Variants in VPS26A observed in about 807,000 individuals in gnomAD.
The protein encoded by VPS26A is VPS26 retromer complex component A.
In VPS26A, 22 loss-of-function variants were observed where a neutral mutation model predicts 42.4. The observed-to-expected ratio is 0.52, with a 90% confidence interval of 0.37 to 0.74. The LOEUF (loss-of-function observed/expected upper bound fraction) is 0.74. Ranked by LOEUF, VPS26A falls within the 30% of genes least tolerant of loss-of-function variation. The probability of loss-of-function intolerance (pLI) is 0.00; values close to 1 mark genes in which losing one functional copy is unlikely to be tolerated. For missense variants in VPS26A, 276 were observed against 379.2 expected, an observed-to-expected ratio of 0.73 and a Z score of 2.26; for synonymous variants, 110 against 123.5, an observed-to-expected ratio of 0.89 and a Z score of 0.73.
At chr10:69,129,670 C>T (rs1243754421) in intron 1 of VPS26A, among the ~76,000 whole-genome samples, 2 of 151,962 alleles carry the variant, frequency 1.3e-5, no homozygotes, top group Non-Finnish European at 2.9e-5. Context: ...GCCTCAGGTG[C>T]ATACCACTAC....
At chr10:69,168,431 T>G in intron 7 of VPS26A, 58 bp from the exon 8 acceptor site, 1 of 1,561,782 alleles carries the variant, frequency 6.4e-7, no homozygotes, top group African/African-American at 1.4e-5. Flanking sequence ...TAGTCCTACC[T>G]GTTATGTGAC....
rs1171418253 is a variant in VPS26A, at chr10:69,174,157, C to G, written c.*2888C>G. ...CTTCACGATACATCTTGCTGCTGCT[C>G]ACTCTGGGCCTGTGCCACATTTAAG... On this transcript the variant is annotated 3_prime_UTR_variant, in exon 9 of 9. Transcript: ENST00000263559. Among the ~76,000 whole-genome samples, 1 of 152,224 alleles carries G rather than the reference C, an allele frequency of 6.6e-6. No individual in the cohort carries two copies. The highest frequency in any genetic ancestry group is 1.5e-5 in the Non-Finnish European group (1 of 68,048).
Position 69,166,059 on chromosome 10 carries a change from G to GA in VPS26A, c.679dup (p.Thr227AsnfsTer8). On this transcript the variant is annotated frameshift_variant, in exon 7 of 9. Coordinates refer to ENST00000263559, the MANE Select transcript of VPS26A (RefSeq NM_004896.5). LOFTEE classifies it high-confidence loss of function. ...TGCACTAGGACCCAGTACCACAACAGAAACAGAAACAATCGCCAAATATGA... is the reference window on the plus strand; with the variant it reads ...TGCACTAGGACCCAGTACCACAACAGAAAACAGAAACAATCGCCAAATATGA... 6.2e-7 allele frequency: 1 copy of GA among 1,613,932 alleles called. No homozygotes were observed. The highest frequency in any genetic ancestry group is 8.5e-7 in the Non-Finnish European group (1 of 1,179,874).
At chr10:69,139,372 C>T (rs1409110201) in intron 2 of VPS26A, among the ~76,000 whole-genome samples, 4 of 151,990 alleles carry the variant, frequency 2.6e-5, no homozygotes, top group African/African-American at 7.2e-5. Context: ...GGCATAATCT[C>T]GGCTCACTGC....
chr10:69,164,018 C>T (rs966112404), intron 6 of VPS26A, among the ~76,000 whole-genome samples: 2 of 152,086 alleles, frequency 1.3e-5, no homozygotes, highest in African/African-American at 4.8e-5. Flanking sequence ...CCGCCCGCCT[C>T]AGCCTCCCAA....
intron 1 of VPS26A, among the ~76,000 whole-genome samples, chr10:69,130,931 T>C (rs958820789): frequency 2.0e-5 from 3 of 152,224 alleles, no homozygotes; most frequent in Non-Finnish European, 2.9e-5. Flanking sequence ...ATATCCATTC[T>C]CTTGTTGATT....
chr10:69,137,128 C>T (rs1158420367), intron 2 of VPS26A, among the ~76,000 whole-genome samples: 1 of 152,162 alleles, frequency 6.6e-6, no homozygotes, highest in South Asian at 2.1e-4. Flanking sequence ...GGTTCCTTAT[C>T]TTCCAAAGGT....
chr10:69,149,801 C>T (rs1048763988), intron 2 of VPS26A, among the ~76,000 whole-genome samples: 1 of 132,620 alleles, frequency 7.5e-6, no homozygotes, highest in African/African-American at 3.1e-5. Context: ...GGCTGGAGTG[C>T]AGTGGCATGA....
rs201452379 is a variant in VPS26A, at chr10:69,173,934, C to CTGG, written c.*2665_*2666insTGG. Among the ~76,000 whole-genome samples, 250 of 149,478 alleles carry CTGG rather than the reference C, an allele frequency of 1.7e-3. No homozygotes were observed. Among genetic ancestry groups the CTGG allele is most frequent in the African/African-American group, 6.1e-3 (238 of 38,996 alleles). ...GCTTGAACCCGGGAGGCAGAGGTTGCAGTGAGCCGAGATCACACCAATGCA... is the reference window on the plus strand; with the variant it reads ...GCTTGAACCCGGGAGGCAGAGGTTGCTGGAGTGAGCCGAGATCACACCAATGCA... On this transcript the variant is annotated 3_prime_UTR_variant, in exon 9 of 9. Transcript: ENST00000263559.
At chr10:69,154,065 A>G (rs1336961274) in intron 2 of VPS26A, among the ~76,000 whole-genome samples, 1 of 152,196 alleles carries the variant, frequency 6.6e-6, no homozygotes, top group Non-Finnish European at 1.5e-5. Flanking sequence ...ACAGTGAACT[A>G]ATGGTACTTG....
chr10:69,155,696 C>T, intron 2 of VPS26A, 116 bp from the exon 3 acceptor site: 1 of 811,900 alleles, frequency 1.2e-6, no homozygotes. Flanking sequence ...GGTGGTGTCT[C>T]AAACTTCATA....
intron 2 of VPS26A, among the ~76,000 whole-genome samples, chr10:69,145,465 TG>T (rs1841136174): frequency 6.6e-6 from 1 of 152,228 alleles, no homozygotes; most frequent in Non-Finnish European, 1.5e-5. Context: ...GAACCCAGGA[TG>T]TATACTGAAA....
At chr10:69,152,319 C>G (rs977559895) in intron 2 of VPS26A, among the ~76,000 whole-genome samples, 2 of 152,160 alleles carry the variant, frequency 1.3e-5, no homozygotes, top group Non-Finnish European at 2.9e-5. Flanking sequence ...TCTGTAGTTT[C>G]AAAAAATATA....
intron 2 of VPS26A, among the ~76,000 whole-genome samples, chr10:69,153,858 T>C (rs767556785): frequency 5.9e-5 from 9 of 152,166 alleles, no homozygotes; most frequent in Non-Finnish European, 1.0e-4. Context: ...GAGGGTAAGA[T>C]GATATTCTCA....
intron 2 of VPS26A, among the ~76,000 whole-genome samples, chr10:69,133,377 TCGGAG>T (rs1314590860): frequency 4.6e-5 from 7 of 152,294 alleles, no homozygotes; most frequent in African/African-American, 1.7e-4. Flanking sequence ...TTTCTTCAGA[TCGGAG>T]CTGTAATTCA....
At chr10:69,158,484 A>G (rs966936532) in intron 5 of VPS26A, among the ~76,000 whole-genome samples, 2 of 151,976 alleles carry the variant, frequency 1.3e-5, no homozygotes, top group South Asian at 2.1e-4. Context: ...TGAGGATACA[A>G]TTTATCTTAC....
Position 69,124,286 on chromosome 10 carries a change from T to G in VPS26A, c.3+6T>G. 1 of 1,264,474 alleles carries G rather than the reference T, an allele frequency of 7.9e-7. No individual in the cohort carries two copies. The highest frequency in any genetic ancestry group is 3.1e-5 in the East Asian group (1 of 32,580). 78.3% of individuals were successfully genotyped at this position (1,264,474 alleles called of 1,614,324 possible). On this transcript the variant is annotated splice_donor_region_variant and intron_variant, in intron 1 of 8. Coordinates refer to ENST00000263559, the MANE Select transcript of VPS26A (RefSeq NM_004896.5). ...CGGCGGCGGCGTTGACAATGGTGAGTGCGCGGCGGCCAGCGCGCTCGCCTC... is the reference window on the plus strand; with the variant it reads ...CGGCGGCGGCGTTGACAATGGTGAGGGCGCGGCGGCCAGCGCGCTCGCCTC...
Position 69,150,379 on chromosome 10 carries a change from G to A in VPS26A, c.154-5433G>A, listed in dbSNP as rs574817785. 2.0e-5 allele frequency among the ~76,000 whole-genome samples: 3 copies of A among 147,120 alleles called. No individual in the cohort carries two copies. The East Asian group carries it at 6.3e-4, about 31-fold the overall frequency. ...CCCAACTTTCCTGATTTTGATAATT[G>A]CACTGTGATTATGTAAGAGAATGCG... On this transcript the variant is annotated intron_variant, in intron 2 of 8. Coordinates refer to ENST00000263559, the MANE Select transcript of VPS26A (RefSeq NM_004896.5).
chr10:69,135,529 G>T (rs12769530), intron 2 of VPS26A, among the ~76,000 whole-genome samples: 24,692 of 152,106 alleles, frequency 0.16, 2,677 homozygotes, highest in Non-Finnish European at 0.23. Context: ...GATTGTTTGA[G>T]CCCAAGAGTT....
Sources: gnomAD v4.1 joint callset for allele counts (sites outside exome capture counted in the v4.1 genomes callset) on GRCh38, gnomAD v4.1.1 for gene constraint, MANE v1.5 for transcripts, NCBI Gene and HGNC (gene_info 2026-07-23, HGNC 2026-07-21) for gene names.